STOML1: variants seen among roughly 807,000 people sequenced by gnomAD.
STOML1 encodes stomatin-like protein 1.
STOML1 carries 27 observed loss-of-function variants against 35.7 expected under a neutral mutation model. That is an observed-to-expected ratio of 0.76 (90% CI 0.56 to 1.04). The LOEUF (loss-of-function observed/expected upper bound fraction) is 1.04, where lower values mean the gene tolerates loss of function less well. STOML1 is among the 50% of genes least tolerant of loss of function. The probability of loss-of-function intolerance (pLI) is 0.00; values close to 1 mark genes in which losing one functional copy is unlikely to be tolerated. For missense variants in STOML1, 451 were observed against 527.1 expected (o/e 0.86, Z 1.41); for synonymous variants, 219 against 227.9 (o/e 0.96, Z 0.35).
At chr15:73,991,030 T>C (rs2069257696) in intron 1 of STOML1, 1 of 1,394,006 alleles carries the variant, frequency 7.2e-7, no homozygotes, top group South Asian at 1.7e-5. Flanking sequence ...CACCCAACTT[T>C]AATGCCTTAA....
chr15:73,992,399 T>G, upstream of STOML1: 1 of 635,188 alleles, frequency 1.6e-6, no homozygotes. Context: ...GTCGCATGGC[T>G]CCCCCTGCGC....
chr15:73,990,707 C>T, intron 1 of STOML1: 1 of 1,235,266 alleles, frequency 8.1e-7, no homozygotes, highest in Non-Finnish European at 1.1e-6. Flanking sequence ...TTATTCTCTG[C>T]TAGGCAACAG....
chr15:73,990,893 A>G (rs2069253378), intron 1 of STOML1: 20 of 1,534,652 alleles, frequency 1.3e-5, no homozygotes, highest in South Asian at 6.0e-5. Context: ...CTCCTATACC[A>G]TCAGCCCCAG....
chr15:73,991,131 A>C, intron 1 of STOML1: 1 of 493,680 alleles, frequency 2.0e-6, no homozygotes, highest in Non-Finnish European at 2.6e-6. Flanking sequence ...AAAACAACAA[A>C]CAACAAAAAA....
rs201297951 is a variant in STOML1, at chr15:73,984,654, G to A, written c.1003+5C>T. 1,270 of 1,612,808 alleles carry A rather than the reference G, an allele frequency of 7.9e-4. 1 individual carries two copies. The highest frequency in any genetic ancestry group is 8.0e-4 in the South Asian group (73 of 91,028). On this transcript the variant is annotated splice_donor_5th_base_variant and intron_variant, in intron 6 of 6. Transcript: ENST00000541638. ...GGGAAGGAGAGGCAAGGAGGGCAGC[G>A]GCACCTGTAGTGAGGTCCAGGAAGT...
chr15:73,985,293 C>T (rs548492881), intron 5 of STOML1, 25 bp downstream of exon 5: 36 of 1,512,714 alleles, frequency 2.4e-5, no homozygotes, highest in East Asian at 1.6e-4. Flanking sequence ...TAAACACCCC[C>T]GCTCTCCTCC....
rs1336095049 is a variant in STOML1 at position 73,988,761 on chromosome 15, A to G, written c.432T>C (p.Asp144=). The G allele has an allele frequency of 3.1e-6, 5 of 1,614,174 alleles. No homozygotes were observed. The African/African-American group carries it at 6.7e-5, about 22-fold the overall frequency. The change falls in exon 4 of 7, where the codon GAT becomes GAC. Residue 144 remains aspartate, a synonymous_variant. Transcript: ENST00000541638. This position sits in a 1 kb window ranked among gnomAD's most constrained non-coding sequence, Gnocchi z 4.8. ...KDGAVLSVGA[D]VQFRIWDPVL... ...CCGGGTCCCAGATGCGAAACTGGAC[A>G]TCGGCTCCCACGGACAGCACAGCCC...
chr15:73,993,988 C>T (rs535786687), upstream of STOML1, among the ~76,000 whole-genome samples: 1 of 152,190 alleles, frequency 6.6e-6, no homozygotes, highest in Admixed American at 6.5e-5. Flanking sequence ...AATCAAGTCC[C>T]TCCTCTGCAT....
upstream of STOML1, chr15:73,994,615 A>T (rs1357882191): frequency 5.2e-5 from 33 of 631,736 alleles, no homozygotes; most frequent in East Asian, 9.1e-4. Flanking sequence ...GCGTGTCTTT[A>T]AAACCCACAG....
Position 73,985,286 on chromosome 15 carries a change from ACACCCCCGCTCTCCTC to A in STOML1, c.790+16_790+31del, listed in dbSNP as rs774333014. On this transcript the variant is annotated intron_variant, in intron 5 of 6. Transcript: ENST00000541638. ...GTCTGTGCTGGCACCAAGCTGGTAA[ACACCCCCGCTCTCCTC>A]CCCAGGGCTCCTCACCTGGCCCCGG... The A allele has an allele frequency of 6.6e-7, 1 of 1,506,680 alleles. No individual in the cohort carries two copies. The highest frequency in any genetic ancestry group is 1.4e-5 in the African/African-American group (1 of 71,260). The allele number at this position is 1,506,680 out of a possible 1,614,324, so 93.3% of individuals were successfully genotyped here. A position where few individuals can be genotyped will look rare whatever the true frequency, so the allele number is the denominator to read the frequency against.
intron 4 of STOML1, chr15:73,986,501 A>G (rs1468538882): frequency 6.6e-6 from 1 of 152,638 alleles, no homozygotes; most frequent in East Asian, 1.9e-4. Context: ...GACAGCCCAG[A>G]TGGATGAGCT....
upstream of STOML1, among the ~76,000 whole-genome samples, chr15:73,993,406 C>T (rs1047666841): frequency 6.6e-6 from 1 of 152,240 alleles, no homozygotes; most frequent in Non-Finnish European, 1.5e-5. Flanking sequence ...CTCAGCCAAT[C>T]GCCTCTGGCC....
rs141171144 is a variant in STOML1, at chr15:73,984,110, C to T, written c.1024G>A (p.Gly342Arg). The T allele has an allele frequency of 3.5e-4, 564 of 1,613,128 alleles. 1 individual carries two copies. Among genetic ancestry groups the T allele is most frequent in the Non-Finnish European group, 4.3e-4 (505 of 1,179,330 alleles). ...LTTGRGRVGHGVPDGIPDVVV... is the reference protein window; with the variant it reads ...LTTGRGRVGHRVPDGIPDVVV... ...ACATCAGGGATGCCATCAGGCACCC[C>T]GTGTCCCACTCTTCCTCGTCCTGTG... Residue 342 changes from glycine to arginine, a missense_variant, in exon 7 of 7, where the codon GGG becomes AGG. Coordinates refer to ENST00000541638, the MANE Select transcript of STOML1 (RefSeq NM_004809.5).
chr15:73,992,487 C>G (rs899415775), upstream of STOML1: 1 of 323,616 alleles, frequency 3.1e-6, no homozygotes, highest in African/African-American at 2.2e-5. Flanking sequence ...ATCGCCTCCT[C>G]CCCTCTTCTC....
chr15:73,980,396 C>T lies in STOML1; in HGVS notation c.*3541G>A, dbSNP rs1010663563. The T allele has an allele frequency of 6.6e-6, 1 of 152,098 alleles. No homozygotes were observed. Among genetic ancestry groups the T allele is most frequent in the African/African-American group, 2.4e-5 (1 of 41,398 alleles). 9.4% of individuals were successfully genotyped at this position (152,098 alleles called of 1,614,324 possible). On this transcript the variant is annotated 3_prime_UTR_variant, in exon 7 of 7. Coordinates refer to ENST00000541638, the MANE Select transcript of STOML1 (RefSeq NM_004809.5). Reference sequence around the variant, plus strand: ...AATAATCAAAATGTCTATCGGTCCACGACAGGTTGAATAATTTATGATACA... The same window carrying T: ...AATAATCAAAATGTCTATCGGTCCATGACAGGTTGAATAATTTATGATACA...
Position 73,983,914 on chromosome 15 carries a change from C to G in STOML1, c.*23G>C. 6.2e-7 allele frequency: 1 copy of G among 1,601,630 alleles called. No individual in the cohort carries two copies. Among genetic ancestry groups the G allele is most frequent in the Non-Finnish European group, 8.5e-7 (1 of 1,171,952 alleles). On this transcript the variant is annotated 3_prime_UTR_variant, in exon 7 of 7. Transcript: ENST00000541638. The stretch of plus-strand genomic sequence containing the variant: ...GCTTGGTGCCAGGCTTGGGACTGGG[C>G]TCTGGAAAGTCAGCCAAGGCTGCTA...
At chr15:73,985,537 T>C (rs2069069925) in intron 4 of STOML1, 24 bp from the exon 5 acceptor site, 1 of 1,534,758 alleles carries the variant, frequency 6.5e-7, no homozygotes, top group African/African-American at 1.4e-5. Context: ...TGAGGAGAAA[T>C]GTAATTAATT....
chr15:73,988,456 C>T lies in STOML1; in HGVS notation c.594+143G>A. 1.0e-6 allele frequency: 1 copy of T among 983,198 alleles called. No individual in the cohort carries two copies. The highest frequency in any genetic ancestry group is 1.5e-6 in the Non-Finnish European group (1 of 677,696). The allele number at this position is 983,198 out of a possible 1,614,324, so 60.9% of individuals were successfully genotyped here. A position where few individuals can be genotyped will look rare whatever the true frequency, so the allele number is the denominator to read the frequency against. On this transcript the variant is annotated intron_variant, in intron 4 of 6. Coordinates refer to ENST00000541638, the MANE Select transcript of STOML1 (RefSeq NM_004809.5). This position sits in a 1 kb window ranked among gnomAD's most constrained non-coding sequence, Gnocchi z 4.8. ...CTCAACTCATGGCCCCACCCAGGCACTGGCTCTTCAAAGGTGGTTACACTA... is the reference window on the plus strand; with the variant it reads ...CTCAACTCATGGCCCCACCCAGGCATTGGCTCTTCAAAGGTGGTTACACTA...
Position 73,992,270 on chromosome 15 carries a change from C to T in STOML1, c.-47G>A, listed in dbSNP as rs1481747296. The T allele has an allele frequency of 1.3e-6, 2 of 1,563,982 alleles. No individual in the cohort carries two copies. On this transcript the variant is annotated 5_prime_UTR_variant, in exon 1 of 7. Coordinates refer to ENST00000541638, the MANE Select transcript of STOML1 (RefSeq NM_004809.5). ...CCCGCGCCTCCGCGCGGCGCCCTCC[C>T]TGGCCAGTGGGCCCTACGCGGCCCC...
Sources: gnomAD v4.1 joint callset for allele counts (sites outside exome capture counted in the v4.1 genomes callset) on GRCh38, gnomAD v4.1.1 for gene constraint, Gnocchi (gnomAD v3.1) non-coding constraint, MANE v1.5 for transcripts, NCBI Gene and HGNC (gene_info 2026-07-23, HGNC 2026-07-21) for gene names.